The following ARSK variants were observed in gnomAD, a reference collection of about 807,000 sequenced individuals.
The protein encoded by ARSK is arylsulfatase K.
ARSK carries 37 observed loss-of-function variants against 53.2 expected under a neutral mutation model. The observed-to-expected ratio is 0.70, with a 90% confidence interval of 0.54 to 0.92. The LOEUF (loss-of-function observed/expected upper bound fraction) is 0.92. Ranked by LOEUF, ARSK falls within the 40% of genes least tolerant of loss-of-function variation. The pLI is 0.00. For missense variants in ARSK, 613 were observed against 643.0 expected, an observed-to-expected ratio of 0.95 and a Z score of 0.51; for synonymous variants, 208 against 223.2, an observed-to-expected ratio of 0.93 and a Z score of 0.61.
chr5:95,572,710 G>A (rs1012634722), intron 3 of ARSK, among the ~76,000 whole-genome samples: 1 of 152,116 alleles, frequency 6.6e-6, no homozygotes, highest in Non-Finnish European at 1.5e-5. Flanking sequence ...CCCGGGAGGC[G>A]GAGCTTGCAG....
chr5:95,568,518 G>T (rs150204740), intron 3 of ARSK, among the ~76,000 whole-genome samples: 8 of 152,160 alleles, frequency 5.3e-5, no homozygotes, highest in African/African-American at 1.9e-4. Context: ...CAGATTGCCT[G>T]CTTTTGAATT....
rs1018672040 is a variant in ARSK at position 95,605,066 on chromosome 5, A to G, written c.*1540A>G. 3.3e-5 allele frequency: 5 copies of G among 152,232 alleles called. No individual in the cohort carries two copies. Among genetic ancestry groups the G allele is most frequent in the South Asian group, 2.1e-4 (1 of 4,838 alleles). The allele number at this position is 152,232 out of a possible 1,614,324, so 9.4% of individuals were successfully genotyped here. ...TTAAAAATATTAGTACAAAATTTAC[A>G]GATCTTTGCTTTTGTGGCTTTTGGG... On this transcript the variant is annotated 3_prime_UTR_variant, in exon 8 of 8. Transcript: ENST00000380009.
chr5:95,555,197 G>C lies in ARSK; in HGVS notation c.-82G>C. On this transcript the variant is annotated 5_prime_UTR_variant, in exon 1 of 8. Coordinates refer to ENST00000380009, the MANE Select transcript of ARSK (RefSeq NM_198150.3). This position sits in a 1 kb window ranked among gnomAD's most constrained non-coding sequence, Gnocchi z 4.0. ...CTGCAAGCTTTGGGAGTTGTTCGCT[G>C]TCCCTGCCCTGCTCTGCTAGGGAGA... 1 of 1,393,872 alleles carries C rather than the reference G, an allele frequency of 7.2e-7. No individual in the cohort carries two copies. The highest frequency in any genetic ancestry group is 1.2e-5 in the South Asian group (1 of 84,508). 86.3% of individuals were successfully genotyped at this position (1,393,872 alleles called of 1,614,324 possible).
At chr5:95,560,835 C>T (rs543311289) in intron 1 of ARSK, among the ~76,000 whole-genome samples, 15 of 140,926 alleles carry the variant, frequency 1.1e-4, no homozygotes, top group South Asian at 2.2e-4. Context: ...AATGGAGTCT[C>T]GCTCTGTCAC....
rs570760146 is a variant in ARSK, at chr5:95,562,377, G to A, written c.127-3621G>A. 1.2e-4 allele frequency among the ~76,000 whole-genome samples: 19 copies of A among 152,306 alleles called. No individual in the cohort carries two copies. In the South Asian group the frequency reaches 3.9e-3, roughly 32 times the overall value. ...TAGTTTTGCTGAGGTTTCAGGAGTG[G>A]CAGGGGAGAGTAGGTACAGGAGTGT... On this transcript the variant is annotated intron_variant, in intron 1 of 7. Coordinates refer to ENST00000380009, the MANE Select transcript of ARSK (RefSeq NM_198150.3).
At position 95,555,294 on chromosome 5, in the gene ARSK, G is replaced by C; in HGVS notation, c.16G>C (p.Val6Leu). ...GCTACCGGCGATGCTACTGCTGTGG[G>C]TGTCGGTGGTCGCAGCCTTGGCGCT... MLLLW[V>L]SVVAALALAV... Residue 6 changes from valine to leucine, a missense_variant, in exon 1 of 8, where the codon GTG becomes CTG. Val to Leu is a conservative substitution (Grantham distance 32). Coordinates refer to ENST00000380009, the MANE Select transcript of ARSK (RefSeq NM_198150.3). The surrounding 1 kb of genome is among the most constrained non-coding windows in gnomAD (Gnocchi z 4.0). 6.2e-7 allele frequency: 1 copy of C among 1,601,200 alleles called. No homozygotes were observed. The highest frequency in any genetic ancestry group is 8.5e-7 in the Non-Finnish European group (1 of 1,178,800).
Position 95,572,709 on chromosome 5 carries a change from C to T in ARSK, c.416+4660C>T, listed in dbSNP as rs540734504. On this transcript the variant is annotated intron_variant, in intron 3 of 7. Coordinates refer to ENST00000380009, the MANE Select transcript of ARSK (RefSeq NM_198150.3). ...AGGAGAATGGCGTGAACCCGGGAGGCGGAGCTTGCAGCGAGCCGAGATTGC... is the reference window on the plus strand; with the variant it reads ...AGGAGAATGGCGTGAACCCGGGAGGTGGAGCTTGCAGCGAGCCGAGATTGC... 1.9e-3 allele frequency among the ~76,000 whole-genome samples: 284 copies of T among 152,016 alleles called. 3 individuals carry two copies. The highest frequency in any genetic ancestry group is 6.6e-3 in the African/African-American group (272 of 41,420).
At chr5:95,570,219 C>T (rs1748801609) in intron 3 of ARSK, among the ~76,000 whole-genome samples, 1 of 152,208 alleles carries the variant, frequency 6.6e-6, no homozygotes, top group South Asian at 2.1e-4. Context: ...TGAGACCCTA[C>T]ATGATCTAGC....
intron 1 of ARSK, among the ~76,000 whole-genome samples, chr5:95,563,973 C>CTTTTT (rs70978189): frequency 7.3e-5 from 9 of 123,958 alleles, no homozygotes; most frequent in South Asian, 2.7e-4. Flanking sequence ...GGGCTATGCA[C>CTTTTT]TTTTTTTTTT....
chr5:95,570,529 T>C (rs1324744123), intron 3 of ARSK, among the ~76,000 whole-genome samples: 1 of 152,170 alleles, frequency 6.6e-6, no homozygotes, highest in Non-Finnish European at 1.5e-5. Flanking sequence ...TGAGTGTCAG[T>C]GTTCTGTAAG....
At chr5:95,558,592 T>C (rs1270600599) in intron 1 of ARSK, among the ~76,000 whole-genome samples, 1 of 152,184 alleles carries the variant, frequency 6.6e-6, no homozygotes, top group African/African-American at 2.4e-5. Context: ...CAACTGTATG[T>C]CATCAAATTA....
chr5:95,589,175 C>G (rs1749170077), intron 5 of ARSK, among the ~76,000 whole-genome samples: 1 of 152,176 alleles, frequency 6.6e-6, no homozygotes, highest in African/African-American at 2.4e-5. Context: ...ATTCTGCTTA[C>G]TTTATACCTT....
At chr5:95,586,446 GTTC>G in intron 4 of ARSK, 113 bp from the exon 5 acceptor site, 1 of 800,442 alleles carries the variant, frequency 1.2e-6, no homozygotes, top group Non-Finnish European at 2.0e-6. Context: ...TATTTACACT[GTTC>G]TTTTCTACTA....
In ARSK at chr5:95,601,066, T is replaced by C; in HGVS notation, c.1316T>C (p.Leu439Pro). ...YSDGASILPQ[L>P]FDLSSDPDEL... is the part of the protein sequence containing the mutation. ...GATGGTGCATCAATATTGCCTCAAC[T>C]CTTTGGTAAGTTTGTTAATATATTT... Residue 439 changes from leucine (L) to proline (P), a missense_variant, in exon 7 of 8, where the codon CTC becomes CCC. Coordinates refer to ENST00000380009, the MANE Select transcript of ARSK (RefSeq NM_198150.3). 5.6e-6 allele frequency: 9 copies of C among 1,611,442 alleles called. No homozygotes were observed. The highest frequency in any genetic ancestry group is 6.8e-6 in the Non-Finnish European group (8 of 1,177,668).
At chr5:95,562,315 C>T (rs1748651074) in intron 1 of ARSK, among the ~76,000 whole-genome samples, 1 of 152,198 alleles carries the variant, frequency 6.6e-6, no homozygotes, top group South Asian at 2.1e-4. Flanking sequence ...ACTCCTACTC[C>T]TACCTCTACT....
At chr5:95,581,650 T>G (rs1749021516) in intron 3 of ARSK, among the ~76,000 whole-genome samples, 1 of 152,204 alleles carries the variant, frequency 6.6e-6, no homozygotes, top group African/African-American at 2.4e-5. Flanking sequence ...TCTCAAAATC[T>G]GAGTTCTACC....
Position 95,586,689 on chromosome 5 carries a change from G to C in ARSK, c.827G>C (p.Arg276Thr). The change falls in exon 5 of 8, where the codon AGA (arginine) becomes ACA (threonine). Residue 276 changes from arginine to threonine, a missense_variant. Physicochemically the swap from Arg to Thr is moderately conservative, Grantham distance 71 (BLOSUM62 -1). Transcript: ENST00000380009. ...RFTKKEIKNI[R>T]AFYYAMCAET... The stretch of plus-strand genomic sequence containing the variant: ...ACAAAAAAAGAAATTAAGAATATTA[G>C]AGCATTTTATTATGCTATGTGTGCT... 2 of 1,611,714 alleles carry C rather than the reference G, an allele frequency of 1.2e-6. No individual in the cohort carries two copies. Among genetic ancestry groups the C allele is most frequent in the South Asian group, 2.2e-5 (2 of 90,642 alleles).
intron 1 of ARSK, among the ~76,000 whole-genome samples, chr5:95,559,876 AG>A (rs1748596440): frequency 2.6e-5 from 4 of 152,246 alleles, no homozygotes; most frequent in African/African-American, 7.2e-5. Context: ...ATTAAATAAA[AG>A]GCATTCACAT....
intron 3 of ARSK, among the ~76,000 whole-genome samples, chr5:95,568,418 G>A (rs553218472): frequency 3.6e-4 from 55 of 152,100 alleles, no homozygotes; most frequent in African/African-American, 1.2e-3. Flanking sequence ...TCTAACTTGA[G>A]TCTATTGTAA....
Sources: gnomAD v4.1 joint callset for allele counts (sites outside exome capture counted in the v4.1 genomes callset) on GRCh38, gnomAD v4.1.1 for gene constraint, Gnocchi (gnomAD v3.1) non-coding constraint, MANE v1.5 for transcripts, NCBI Gene and HGNC (gene_info 2026-07-23, HGNC 2026-07-21) for gene names.